ANO3: variants seen among roughly 807,000 people sequenced by gnomAD.
ANO3 encodes the protein anoctamin-3.
A neutral mutation model predicts 144.8 loss-of-function variants in ANO3; 99 were observed. That is an observed-to-expected ratio of 0.68 (90% CI 0.58 to 0.81). The LOEUF is 0.81. ANO3 is among the 30% of genes least tolerant of loss of function. ANO3 has a pLI of 0.00. For missense variants in ANO3, 905 were observed against 1,202.2 expected, an observed-to-expected ratio of 0.75 and a Z score of 3.66; for synonymous variants, 414 against 392.6, an observed-to-expected ratio of 1.05 and a Z score of -0.64.
intron 1 of ANO3, among the ~76,000 whole-genome samples, chr11:26,222,924 G>A (rs1590201796): frequency 1.3e-5 from 2 of 152,314 alleles, no homozygotes; most frequent in East Asian, 3.9e-4. Flanking sequence ...GAAGATCTCT[G>A]AAATTCTTTG....
At chr11:26,618,323 C>T (rs1055641079) in intron 17 of ANO3, among the ~76,000 whole-genome samples, 7 of 151,986 alleles carry the variant, frequency 4.6e-5, no homozygotes, top group African/African-American at 1.7e-4. Context: ...TTCACAGTAT[C>T]GTGACTAACT....
At chr11:26,251,090 G>C (rs1263619417) in intron 1 of ANO3, among the ~76,000 whole-genome samples, 1 of 152,142 alleles carries the variant, frequency 6.6e-6, no homozygotes, top group Non-Finnish European at 1.5e-5. Context: ...AAAATTTAAA[G>C]CATGATTTCT....
chr11:26,308,962 C>A (rs1266890025), upstream of ANO3, among the ~76,000 whole-genome samples: 2 of 152,104 alleles, frequency 1.3e-5, no homozygotes, highest in African/African-American at 4.8e-5. Flanking sequence ...AAACTGAGGT[C>A]AGAGTTTTTA....
At chr11:26,509,378 C>G (rs1365509741) in intron 5 of ANO3, among the ~76,000 whole-genome samples, 1 of 151,900 alleles carries the variant, frequency 6.6e-6, no homozygotes, top group East Asian at 1.9e-4. Flanking sequence ...AGCAGTGGCG[C>G]GATCTTGGCT....
At chr11:26,502,940 T>C (rs1861259848) in intron 4 of ANO3, among the ~76,000 whole-genome samples, 3 of 151,996 alleles carry the variant, frequency 2.0e-5, no homozygotes, top group Non-Finnish European at 4.4e-5. Flanking sequence ...AGGTTCCTTG[T>C]GCAAATGGGC....
intron 4 of ANO3, among the ~76,000 whole-genome samples, chr11:26,467,678 C>T (rs566642493): frequency 2.8e-4 from 41 of 147,918 alleles, no homozygotes; most frequent in Non-Finnish European, 4.9e-4. Context: ...TTTATCCATT[C>T]GCCTGTTGAT....
intron 17 of ANO3, among the ~76,000 whole-genome samples, chr11:26,611,951 A>T (rs1852111500): frequency 6.6e-6 from 1 of 151,948 alleles, no homozygotes; most frequent in Non-Finnish European, 1.5e-5. Flanking sequence ...TTGCATTTGC[A>T]TGGAATATCT....
At chr11:26,356,365 A>G (rs1424046051) in intron 1 of ANO3, among the ~76,000 whole-genome samples, 1 of 151,992 alleles carries the variant, frequency 6.6e-6, no homozygotes, top group African/African-American at 2.4e-5. Flanking sequence ...TCATCCCTAA[A>G]AGTTTCTTTA....
chr11:26,557,685 C>T (rs1850128878), intron 13 of ANO3, among the ~76,000 whole-genome samples: 3 of 152,116 alleles, frequency 2.0e-5, no homozygotes. Context: ...TCCTATTAGA[C>T]AGAAGGCCAG....
At chr11:26,519,432 G>A (rs906469435) in intron 6 of ANO3, among the ~76,000 whole-genome samples, 1 of 152,134 alleles carries the variant, frequency 6.6e-6, no homozygotes, top group African/African-American at 2.4e-5. Context: ...TCATTTAATA[G>A]AATAGTGAAT....
chr11:26,455,610 A>G (rs1435511238), intron 3 of ANO3, among the ~76,000 whole-genome samples: 1 of 152,182 alleles, frequency 6.6e-6, no homozygotes, highest in African/African-American at 2.4e-5. Context: ...ATGCTCATGG[A>G]TAGGAAGAAT....
At chr11:26,563,269 CA>C in intron 14 of ANO3, 1 of 1,583,186 alleles carries the variant, frequency 6.3e-7, no homozygotes, top group Non-Finnish European at 8.6e-7. Context: ...CTATTTTCTA[CA>C]GGACAAAAAA....
chr11:26,591,392 G>T (rs1851448811), intron 14 of ANO3, among the ~76,000 whole-genome samples: 1 of 152,120 alleles, frequency 6.6e-6, no homozygotes. Context: ...GTCTGCAGTA[G>T]ATCTTAGTCA....
intron 1 of ANO3, among the ~76,000 whole-genome samples, chr11:26,211,567 G>T (rs375256478): frequency 6.6e-6 from 1 of 152,152 alleles, no homozygotes; most frequent in Non-Finnish European, 1.5e-5. Context: ...AACAACAGAT[G>T]CTGGAGCGGA....
intron 1 of ANO3, among the ~76,000 whole-genome samples, chr11:26,231,103 T>G (rs1016871308): frequency 6.6e-6 from 1 of 151,980 alleles, no homozygotes; most frequent in African/African-American, 2.4e-5. Context: ...GGTCTCAAAC[T>G]CCTTACTTCA....
rs573398331 is a variant in ANO3 at position 26,643,089 on chromosome 11, G to C, written c.2276-93G>C. On this transcript the variant is annotated intron_variant, in intron 22 of 26. Transcript: ENST00000256737. The stretch of plus-strand genomic sequence containing the variant: ...GAGATAAAGCTATCTACTTTGTAAG[G>C]ATGTTGAAAGCATTAAAAGCAATTT... 6 of 1,070,012 alleles carry C rather than the reference G, an allele frequency of 5.6e-6. No individual in the cohort carries two copies. In the East Asian group the frequency reaches 1.4e-4, roughly 25 times the overall value. 66.3% of individuals were successfully genotyped at this position (1,070,012 alleles called of 1,614,324 possible).
At chr11:26,438,057 A>G (rs1255794117) in intron 1 of ANO3, among the ~76,000 whole-genome samples, 1 of 152,154 alleles carries the variant, frequency 6.6e-6, no homozygotes, top group African/African-American at 2.4e-5. Context: ...AATAAACTGG[A>G]AAGTGAGTAG....
chr11:26,378,503 G>A (rs986029375), intron 1 of ANO3, among the ~76,000 whole-genome samples: 3 of 150,928 alleles, frequency 2.0e-5, no homozygotes, highest in African/African-American at 7.3e-5. Context: ...CCATAGCAGT[G>A]GATCTGGGAA....
chr11:26,507,252 A>G (rs931665996), intron 4 of ANO3, among the ~76,000 whole-genome samples: 18 of 152,212 alleles, frequency 1.2e-4, no homozygotes, highest in African/African-American at 4.3e-4. Flanking sequence ...CGGATAGTCT[A>G]AGTAGTGTTT....
Sources: gnomAD v4.1 joint callset for allele counts (sites outside exome capture counted in the v4.1 genomes callset) on GRCh38, gnomAD v4.1.1 for gene constraint, MANE v1.5 for transcripts, NCBI Gene and HGNC (gene_info 2026-07-23, HGNC 2026-07-21) for gene names.